NDUFB6: variants seen among roughly 807,000 people sequenced by gnomAD.
NDUFB6 encodes NADH:ubiquinone oxidoreductase subunit B6.
Under a neutral mutation model 17.5 loss-of-function variants are expected in NDUFB6, and 23 were observed. The observed-to-expected ratio is 1.31, with a 90% CI of 0.94 to 1.86. The LOEUF is 1.86. Ranked by LOEUF, NDUFB6 falls within the 40% of genes most tolerant of loss-of-function variation. NDUFB6 has a pLI of 0.00. For missense variants in NDUFB6, 167 were observed against 153.8 expected (o/e 1.09, Z -0.46); for synonymous variants, 60 against 53.5 (o/e 1.12, Z -0.53).
chr9:32,563,294 G>A (rs904708470), intron 2 of NDUFB6, among the ~76,000 whole-genome samples: 1 of 151,948 alleles, frequency 6.6e-6, no homozygotes, highest in Non-Finnish European at 1.5e-5. Context: ...ATATTTTGAG[G>A]ATAAGTATTT....
At chr9:32,555,071 C>T (rs1052883892) in intron 3 of NDUFB6, among the ~76,000 whole-genome samples, 8 of 150,922 alleles carry the variant, frequency 5.3e-5, no homozygotes, top group African/African-American at 2.0e-4. Context: ...CTTTGGTGCA[C>T]GCTAGAGACT....
At chr9:32,564,889 C>A (rs75814172) in intron 2 of NDUFB6, among the ~76,000 whole-genome samples, 6 of 152,306 alleles carry the variant, frequency 3.9e-5, no homozygotes, top group African/African-American at 1.4e-4. Context: ...ATGAAATTAA[C>A]GATCGCTCAC....
At chr9:32,558,315 G>C (rs984559935) in intron 3 of NDUFB6, among the ~76,000 whole-genome samples, 6 of 152,188 alleles carry the variant, frequency 3.9e-5, no homozygotes, top group African/African-American at 1.4e-4. Flanking sequence ...GTTTCACCGT[G>C]TTAGCCAGAA....
intron 2 of NDUFB6, among the ~76,000 whole-genome samples, chr9:32,565,780 C>A (rs554002233): frequency 6.6e-6 from 1 of 152,078 alleles, no homozygotes; most frequent in South Asian, 2.1e-4. Context: ...GAGACCAGGC[C>A]GACCAACATG....
At chr9:32,556,650 C>T (rs1000384633) in intron 3 of NDUFB6, among the ~76,000 whole-genome samples, 4 of 152,138 alleles carry the variant, frequency 2.6e-5, no homozygotes, top group Admixed American at 2.6e-4. Context: ...CTGATATGGT[C>T]TTCTGAATAG....
In NDUFB6 at chr9:32,553,803, CA is replaced by C. The variant is rs1419507990; in HGVS notation, c.*72del. ...TTAAACTTTATTAAAGTTACTTTTC[CA>C]GAAAATTCAGTAAATATGGTAATAT... On this transcript the variant is annotated 3_prime_UTR_variant, in exon 4 of 4. Coordinates refer to ENST00000379847, the MANE Select transcript of NDUFB6 (RefSeq NM_002493.5). 1 of 1,006,074 alleles carries C rather than the reference CA, an allele frequency of 9.9e-7. No individual in the cohort carries two copies. Among genetic ancestry groups the C allele is most frequent in the Non-Finnish European group, 1.5e-6 (1 of 652,472 alleles). The allele number at this position is 1,006,074 out of a possible 1,614,324, so 62.3% of individuals were successfully genotyped here.
chr9:32,558,117 A>ATTTTTTTTTTTT lies in NDUFB6; in HGVS notation c.318+781_318+792dup, dbSNP rs74178816. Among the ~76,000 whole-genome samples the ATTTTTTTTTTTT allele has an allele frequency of 1.1e-3, 146 of 135,226 alleles. 3 individuals carry two copies. The highest frequency in any genetic ancestry group is 2.6e-3 in the African/African-American group (96 of 36,442). The allele number at this position is 135,226 out of a possible 152,430, so 88.7% of individuals were successfully genotyped here. Reference sequence around the variant, plus strand: ...TATAGCTCACACATTCATAGTATACATTTTTTTTTTTTGAGACGGAGTCTC... The same window carrying ATTTTTTTTTTTT: ...TATAGCTCACACATTCATAGTATACATTTTTTTTTTTTTTTTTTTTTTTTGAGACGGAGTCTC... On this transcript the variant is annotated intron_variant, in intron 3 of 3. Coordinates refer to ENST00000379847, the MANE Select transcript of NDUFB6 (RefSeq NM_002493.5).
intron 2 of NDUFB6, chr9:32,566,178 C>CTT: frequency 1.4e-6 from 1 of 734,514 alleles, no homozygotes; most frequent in Admixed American, 2.0e-5. Flanking sequence ...GCCACTTCCT[C>CTT]TTCAACCTTG....
At chr9:32,555,604 A>AG (rs1245818507) in intron 3 of NDUFB6, among the ~76,000 whole-genome samples, 3 of 152,268 alleles carry the variant, frequency 2.0e-5, no homozygotes, top group African/African-American at 7.2e-5. Context: ...CTAAATGTTA[A>AG]GGGAAATGGA....
chr9:32,558,506 A>C (rs1337987004), intron 3 of NDUFB6, among the ~76,000 whole-genome samples: 11 of 152,212 alleles, frequency 7.2e-5, no homozygotes, highest in Admixed American at 7.2e-4. Context: ...AAGCCATAGG[A>C]CATGAGAGTT....
At chr9:32,555,073 C>G (rs1217002629) in intron 3 of NDUFB6, among the ~76,000 whole-genome samples, 1 of 150,944 alleles carries the variant, frequency 6.6e-6, no homozygotes, top group Non-Finnish European at 1.5e-5. Flanking sequence ...TTGGTGCACG[C>G]TAGAGACTTT....
intron 2 of NDUFB6, among the ~76,000 whole-genome samples, chr9:32,559,768 C>G (rs1261794401): frequency 6.6e-6 from 1 of 152,104 alleles, no homozygotes; most frequent in Non-Finnish European, 1.5e-5. Context: ...ACTTGTTCTC[C>G]TATAACATTA....
Position 32,570,979 on chromosome 9 carries a change from T to A in NDUFB6, c.254A>T (p.Tyr85Phe), listed in dbSNP as rs1468508528. 1.1e-5 allele frequency: 17 copies of A among 1,589,056 alleles called. No individual in the cohort carries two copies. Among genetic ancestry groups the A allele is most frequent in the Non-Finnish European group, 1.5e-5 (17 of 1,162,678 alleles). Residue 85 changes from tyrosine to phenylalanine, a missense_variant, in exon 2 of 4, where the codon TAC (tyrosine) becomes TTC (phenylalanine). Coordinates refer to ENST00000379847, the MANE Select transcript of NDUFB6 (RefSeq NM_002493.5). ...ACTTACAGAAACATGATACTTCATG[T>A]AATAATGAATAATCCAGACAGGTAC... ...VLVPVWIIHY[Y>F]MKYHVSEKPY...
At chr9:32,565,976 A>AAAAC (rs919018869) in intron 2 of NDUFB6, among the ~76,000 whole-genome samples, 4 of 152,184 alleles carry the variant, frequency 2.6e-5, no homozygotes, top group South Asian at 4.1e-4. Context: ...CCACCTACAA[A>AAAAC]AAACAAACAA....
At chr9:32,567,595 G>A (rs1365441889) in intron 2 of NDUFB6, 1 of 375,972 alleles carries the variant, frequency 2.7e-6, no homozygotes, top group Non-Finnish European at 5.5e-6. Flanking sequence ...AAAGTGCTGG[G>A]ATTACAGGTG....
chr9:32,570,248 C>T (rs1231247751), intron 2 of NDUFB6, among the ~76,000 whole-genome samples: 1 of 152,150 alleles, frequency 6.6e-6, no homozygotes, highest in African/African-American at 2.4e-5. Context: ...AACAGATGTG[C>T]TCACCCTCCT....
intron 3 of NDUFB6, 130 bp from the exon 4 acceptor site, chr9:32,554,074 C>A (rs898044577): frequency 4.9e-5 from 27 of 552,272 alleles, no homozygotes; most frequent in African/African-American, 4.0e-4. Context: ...TTAAAAGGAC[C>A]CTAGACAAAG....
At chr9:32,564,719 A>C (rs1239702346) in intron 2 of NDUFB6, among the ~76,000 whole-genome samples, 1 of 152,180 alleles carries the variant, frequency 6.6e-6, no homozygotes, top group Admixed American at 6.5e-5. Flanking sequence ...CATGAGCTCC[A>C]TATTATCTGA....
At chr9:32,559,000 C>A in intron 2 of NDUFB6, 46 bp from the exon 3 acceptor site, 1 of 1,403,154 alleles carries the variant, frequency 7.1e-7, no homozygotes, top group Non-Finnish European at 9.9e-7. Flanking sequence ...TTAAGAGTTT[C>A]TTCTGAAAAT....
Sources: gnomAD v4.1 joint callset for allele counts (sites outside exome capture counted in the v4.1 genomes callset) on GRCh38, gnomAD v4.1.1 for gene constraint, MANE v1.5 for transcripts, NCBI Gene and HGNC (gene_info 2026-07-23, HGNC 2026-07-21) for gene names.